The following ITGA8 variants were observed in gnomAD, a reference collection of about 807,000 sequenced individuals.
ITGA8 encodes the protein integrin alpha-8.
A neutral mutation model predicts 142.3 loss-of-function variants in ITGA8; 91 were observed. The observed-to-expected ratio is 0.64, with a 90% CI of 0.54 to 0.76. The LOEUF (loss-of-function observed/expected upper bound fraction) is 0.76. Among genes scored for constraint, ITGA8 ranks in the 30% least tolerant of loss-of-function variants. The pLI is 0.00. For missense variants in ITGA8, 1,406 were observed against 1,327.7 expected, an observed-to-expected ratio of 1.06 and a Z score of -0.92; for synonymous variants, 505 against 485.2, an observed-to-expected ratio of 1.04 and a Z score of -0.54.
chr10:15,590,465 C>CT (rs1463483016), intron 22 of ITGA8, among the ~76,000 whole-genome samples: 8 of 152,174 alleles, frequency 5.3e-5, no homozygotes, highest in Non-Finnish European at 1.0e-4. Flanking sequence ...TACCAGACTT[C>CT]TTTTCTATAT....
chr10:15,663,575 CT>C (rs34017814), intron 8 of ITGA8, among the ~76,000 whole-genome samples: 40 of 147,722 alleles, frequency 2.7e-4, no homozygotes, highest in East Asian at 1.4e-3. Flanking sequence ...CAACAAGACT[CT>C]TTTTTTTTTT....
chr10:15,527,109 C>G (rs1003614707), intron 28 of ITGA8, among the ~76,000 whole-genome samples: 6 of 152,258 alleles, frequency 3.9e-5, no homozygotes, highest in Admixed American at 3.3e-4. Context: ...CCAAGACACC[C>G]TACCTACGGT....
chr10:15,522,182 G>T (rs373793572), intron 28 of ITGA8, among the ~76,000 whole-genome samples: 1 of 152,142 alleles, frequency 6.6e-6, no homozygotes, highest in African/African-American at 2.4e-5. Flanking sequence ...TTATGTGCAC[G>T]TGTGTATCAA....
At chr10:15,523,910 C>T (rs374967947) in intron 28 of ITGA8, among the ~76,000 whole-genome samples, 1 of 152,206 alleles carries the variant, frequency 6.6e-6, no homozygotes, top group East Asian at 1.9e-4. Context: ...CCAGCCTGAG[C>T]AACAGAGCGA....
At chr10:15,717,058 G>T (rs1203536288) in intron 2 of ITGA8, among the ~76,000 whole-genome samples, 1 of 152,176 alleles carries the variant, frequency 6.6e-6, no homozygotes, top group Non-Finnish European at 1.5e-5. Flanking sequence ...TTTTTAATCT[G>T]TTGGCCTATG....
chr10:15,642,826 T>G (rs1447694090), intron 13 of ITGA8, among the ~76,000 whole-genome samples: 3 of 152,166 alleles, frequency 2.0e-5, no homozygotes, highest in Non-Finnish European at 4.4e-5. Context: ...GCCAAAGGCC[T>G]GAAATTAATG....
Position 15,546,866 on chromosome 10 carries a change from T to TGAAGG in ITGA8, c.2880+1584_2880+1588dup, listed in dbSNP as rs369463118. 3.9e-5 allele frequency among the ~76,000 whole-genome samples: 5 copies of TGAAGG among 129,170 alleles called. No homozygotes were observed. The South Asian group carries it at 1.1e-3, about 29-fold the overall frequency. The allele number at this position is 129,170 out of a possible 152,430, so 84.7% of individuals were successfully genotyped here. A position where few individuals can be genotyped will look rare whatever the true frequency, so the allele number is the denominator to read the frequency against. ...GGAAGGGAAATGAGGGGAAGGGAAATGAAGGGAAGGGAAGGGAAAGGAAGA... is the reference window on the plus strand; with the variant it reads ...GGAAGGGAAATGAGGGGAAGGGAAATGAAGGGAAGGGAAGGGAAGGGAAAGGAAGA... On this transcript the variant is annotated intron_variant, in intron 27 of 29. Coordinates refer to ENST00000378076, the MANE Select transcript of ITGA8 (RefSeq NM_003638.3).
rs1036811609 is a variant in ITGA8 at position 15,632,415 on chromosome 10, G to A, written c.1399+11615C>T. 8.5e-5 allele frequency among the ~76,000 whole-genome samples: 13 copies of A among 152,288 alleles called. No homozygotes were observed. The South Asian group carries it at 1.9e-3, about 22-fold the overall frequency. ...AAAAAAGTCAGATATTATGTTATCG[G>A]ACTTGAAAATGACTATAGCTAATCT... is the stretch of plus-strand genomic sequence containing the variant. On this transcript the variant is annotated intron_variant, in intron 13 of 29. Coordinates refer to ENST00000378076, the MANE Select transcript of ITGA8 (RefSeq NM_003638.3).
At chr10:15,694,678 C>CACATATATATATAT (rs1554788565) in intron 2 of ITGA8, among the ~76,000 whole-genome samples, 1 of 77,528 alleles carries the variant, frequency 1.3e-5, no homozygotes, top group Non-Finnish European at 2.5e-5. Flanking sequence ...TATTTGTCGA[C>CACATATATATATAT]ATATATATAT....
chr10:15,701,501 C>G (rs1263647381), intron 2 of ITGA8, among the ~76,000 whole-genome samples: 1 of 150,746 alleles, frequency 6.6e-6, no homozygotes, highest in African/African-American at 2.4e-5. Flanking sequence ...TTTTTTTCTT[C>G]ATGGGAATAT....
At chr10:15,667,355 G>A (rs183599852) in intron 8 of ITGA8, among the ~76,000 whole-genome samples, 33,818 of 151,692 alleles carry the variant, frequency 0.22, 3,953 homozygotes, top group Admixed American at 0.32. Flanking sequence ...CTGTGGTATC[G>A]GTGGTGATAT....
At chr10:15,602,768 G>A (rs1272063413) in intron 20 of ITGA8, among the ~76,000 whole-genome samples, 1 of 151,886 alleles carries the variant, frequency 6.6e-6, no homozygotes, top group African/African-American at 2.4e-5. Flanking sequence ...GAAGAAAATG[G>A]GATGATTATA....
intron 20 of ITGA8, among the ~76,000 whole-genome samples, chr10:15,602,734 T>G (rs1390634132): frequency 1.5e-5 from 2 of 136,704 alleles, no homozygotes; most frequent in Admixed American, 1.4e-4. Context: ...CAAGACCCTG[T>G]CTCAAAAAAA....
intron 1 of ITGA8, 137 bp downstream of exon 1, chr10:15,719,426 G>A: frequency 1.4e-6 from 1 of 691,072 alleles, no homozygotes; most frequent in South Asian, 2.1e-5. Context: ...GGCTGGTGGC[G>A]GGGAGAGGGA....
intron 28 of ITGA8, 52 bp downstream of exon 28, chr10:15,530,998 A>G: frequency 1.9e-6 from 2 of 1,044,964 alleles, no homozygotes; most frequent in Non-Finnish European, 2.8e-6. Flanking sequence ...AGTGATTAAA[A>G]CAATTATTTC....
At chr10:15,535,295 C>T (rs957029808) in intron 27 of ITGA8, among the ~76,000 whole-genome samples, 3 of 152,204 alleles carry the variant, frequency 2.0e-5, no homozygotes, top group Non-Finnish European at 4.4e-5. Context: ...CCAGTCCCAT[C>T]AACCACCCAA....
chr10:15,670,890 C>T (rs1181195456), intron 8 of ITGA8, among the ~76,000 whole-genome samples: 1 of 152,112 alleles, frequency 6.6e-6, no homozygotes, highest in Non-Finnish European at 1.5e-5. Flanking sequence ...CCTTCAACAC[C>T]CGCATTTTCT....
intron 2 of ITGA8, 103 bp from the exon 3 acceptor site, chr10:15,688,141 C>T: frequency 1.3e-6 from 1 of 764,778 alleles, no homozygotes; most frequent in Non-Finnish European, 2.2e-6. Flanking sequence ...AATACCAATC[C>T]TTGTCAAACT....
chr10:15,688,369 G>A (rs527737293), intron 2 of ITGA8, among the ~76,000 whole-genome samples: 4 of 151,922 alleles, frequency 2.6e-5, no homozygotes, highest in African/African-American at 7.2e-5. Flanking sequence ...TACTTGGGAG[G>A]CTGAGATGAG....
Sources: gnomAD v4.1 joint callset for allele counts (sites outside exome capture counted in the v4.1 genomes callset) on GRCh38, gnomAD v4.1.1 for gene constraint, MANE v1.5 for transcripts, NCBI Gene and HGNC (gene_info 2026-07-23, HGNC 2026-07-21) for gene names.